Variants in ADAMTS17 observed in about 807,000 individuals in gnomAD.
The protein encoded by ADAMTS17 is A disintegrin and metalloproteinase with thrombospondin motifs 17.
A neutral mutation model predicts 141.5 loss-of-function variants in ADAMTS17; 113 were observed. The ratio of observed to expected loss-of-function variants is 0.80; its 90% CI spans 0.69 to 0.93. The LOEUF is 0.93. Among genes scored for constraint, ADAMTS17 ranks in the 40% least tolerant of loss-of-function variants. The pLI, the probability that ADAMTS17 is intolerant of heterozygous loss-of-function variation, is 0.00. For missense variants in ADAMTS17, 1,659 were observed against 1,517.9 expected (o/e 1.09, Z -1.54); for synonymous variants, 768 against 630.6 (o/e 1.22, Z -3.27).
At chr15:100,301,295 C>T (rs1396859230) in intron 3 of ADAMTS17, among the ~76,000 whole-genome samples, 1 of 150,972 alleles carries the variant, frequency 6.6e-6, no homozygotes, top group Non-Finnish European at 1.5e-5. Flanking sequence ...TTTTTAGTTC[C>T]TTTTCTCTCT....
At chr15:100,277,934 G>A (rs2044154345) in intron 4 of ADAMTS17, among the ~76,000 whole-genome samples, 1 of 152,358 alleles carries the variant, frequency 6.6e-6, no homozygotes, top group Admixed American at 6.5e-5. Context: ...ATGCACGTAC[G>A]TGCAATGGGA....
chr15:100,277,535 A>G (rs980952712), intron 4 of ADAMTS17, among the ~76,000 whole-genome samples: 6 of 151,692 alleles, frequency 4.0e-5, no homozygotes, highest in Non-Finnish European at 8.8e-5. Flanking sequence ...AATTAAAAAA[A>G]GAGAGAGAGA....
chr15:100,063,950 G>A (rs1302650807), intron 15 of ADAMTS17, among the ~76,000 whole-genome samples: 3 of 152,158 alleles, frequency 2.0e-5, no homozygotes, highest in African/African-American at 7.2e-5. Flanking sequence ...AGCAGGATTT[G>A]CACGTGTTTC....
At chr15:100,069,808 A>C (rs962647116) in intron 15 of ADAMTS17, among the ~76,000 whole-genome samples, 1 of 150,524 alleles carries the variant, frequency 6.6e-6, no homozygotes, top group Non-Finnish European at 1.5e-5. Context: ...TGTAAAGACC[A>C]TCAAGGCTAG....
chr15:100,132,949 CCTTTT>C (rs1365165066), intron 11 of ADAMTS17, among the ~76,000 whole-genome samples: 1 of 152,180 alleles, frequency 6.6e-6, no homozygotes, highest in Admixed American at 6.5e-5. Context: ...TGAAAGTGTT[CCTTTT>C]AAGTAAATTT....
At chr15:100,069,661 A>C (rs1413649100) in intron 15 of ADAMTS17, among the ~76,000 whole-genome samples, 1 of 152,114 alleles carries the variant, frequency 6.6e-6, no homozygotes, top group Admixed American at 6.6e-5. Flanking sequence ...TAAGTGAAGG[A>C]GAAATAAAAT....
At chr15:100,022,094 A>G (rs61251009) in intron 18 of ADAMTS17, among the ~76,000 whole-genome samples, 2,037 of 152,064 alleles carry the variant, frequency 0.013, 48 homozygotes, top group African/African-American at 0.046. Flanking sequence ...TGGCTACTAA[A>G]CTTCCCCGGG....
At chr15:100,193,394 G>A (rs532672275) in intron 8 of ADAMTS17, among the ~76,000 whole-genome samples, 1 of 152,240 alleles carries the variant, frequency 6.6e-6, no homozygotes, top group African/African-American at 2.4e-5. Flanking sequence ...GAGGTGAAGT[G>A]GGTGGGTTAT....
intron 7 of ADAMTS17, among the ~76,000 whole-genome samples, chr15:100,215,395 C>T (rs978743865): frequency 6.6e-6 from 1 of 152,190 alleles, no homozygotes; most frequent in Non-Finnish European, 1.5e-5. Flanking sequence ...TAGCTCCAGC[C>T]TTGTAACTGT....
At chr15:100,299,498 T>C (rs2044948902) in intron 3 of ADAMTS17, among the ~76,000 whole-genome samples, 1 of 147,054 alleles carries the variant, frequency 6.8e-6, no homozygotes, top group South Asian at 2.1e-4. Context: ...TTTTACCTTC[T>C]AAATTGATGG....
chr15:100,141,712 G>A (rs1026944471), intron 10 of ADAMTS17, among the ~76,000 whole-genome samples: 1 of 152,204 alleles, frequency 6.6e-6, no homozygotes, highest in East Asian at 1.9e-4. Flanking sequence ...GCTGGCAGCA[G>A]GGACAAGAAA....
intron 3 of ADAMTS17, among the ~76,000 whole-genome samples, chr15:100,322,350 T>C (rs1284175696): frequency 6.6e-6 from 1 of 152,140 alleles, no homozygotes; most frequent in Non-Finnish European, 1.5e-5. Context: ...TACCCAACTC[T>C]CAGGATGATG....
rs144391739 is a variant in ADAMTS17 at position 100,273,604 on chromosome 15, G to T, written c.789+7625C>A. Among the ~76,000 whole-genome samples the T allele has an allele frequency of 1.7e-3, 265 of 152,194 alleles. 1 individual carries two copies. Among genetic ancestry groups the T allele is most frequent in the African/African-American group, 6.2e-3 (256 of 41,546 alleles). On this transcript the variant is annotated intron_variant, in intron 4 of 21. Transcript: ENST00000268070. ...TTTTTTATCAGTCGATCTAGCTAAG[G>T]TTTGTCAATTTTCTTAATCTTTCCA...
intron 19 of ADAMTS17, among the ~76,000 whole-genome samples, chr15:99,995,336 C>G (rs189274106): frequency 1.0e-3 from 153 of 152,346 alleles, no homozygotes; most frequent in African/African-American, 3.1e-3. Flanking sequence ...TTTTGCATTG[C>G]TCACCTCCTC....
intron 14 of ADAMTS17, among the ~76,000 whole-genome samples, chr15:100,104,703 G>A (rs915870383): frequency 7.9e-5 from 12 of 152,092 alleles, no homozygotes; most frequent in Admixed American, 4.6e-4. Context: ...ATGTTTAATC[G>A]GTTGTAATTA....
intron 4 of ADAMTS17, among the ~76,000 whole-genome samples, chr15:100,267,823 C>T (rs1217851817): frequency 6.6e-6 from 1 of 152,216 alleles, no homozygotes; most frequent in Non-Finnish European, 1.5e-5. Context: ...ATAATTATCA[C>T]ATCAGGGTAA....
chr15:100,205,904 G>A (rs147831760), intron 7 of ADAMTS17, among the ~76,000 whole-genome samples: 1 of 152,152 alleles, frequency 6.6e-6, no homozygotes, highest in Non-Finnish European at 1.5e-5. Flanking sequence ...CTGTGCCAGG[G>A]ACCGAGCCCA....
At chr15:99,981,579 C>A (rs1284470420) in intron 20 of ADAMTS17, among the ~76,000 whole-genome samples, 1 of 152,202 alleles carries the variant, frequency 6.6e-6, no homozygotes, top group African/African-American at 2.4e-5. Context: ...GGGCCAGCCC[C>A]CTAGAGGATG....
At chr15:100,162,671 A>G in intron 8 of ADAMTS17, among the ~76,000 whole-genome samples, 1 of 82,968 alleles carries the variant, frequency 1.2e-5, no homozygotes. Context: ...ATGTGTATAT[A>G]TATGCACATA....
Sources: allele counts gnomAD v4.1 joint callset (sites outside exome capture counted in the v4.1 genomes callset), GRCh38; gene constraint gnomAD v4.1.1; transcripts MANE v1.5; gene names NCBI Gene and HGNC (gene_info 2026-07-23, HGNC 2026-07-21).